The following MBD3 variants were observed in gnomAD, a reference collection of about 807,000 sequenced individuals.
The protein encoded by MBD3 is methyl-CpG-binding domain protein 3.
A neutral mutation model predicts 31.2 loss-of-function variants in MBD3; 13 were observed. That is an observed-to-expected ratio of 0.42 (90% CI 0.27 to 0.66). The LOEUF is 0.66. Ranked by LOEUF, MBD3 falls within the 30% of genes least tolerant of loss-of-function variation. The pLI, the probability that MBD3 is intolerant of heterozygous loss-of-function variation, is 0.26. For synonymous variants in MBD3, 223 were observed against 187.4 expected, an observed-to-expected ratio of 1.19 and a Z score of -1.55; for missense variants, 440 against 426.5, an observed-to-expected ratio of 1.03 and a Z score of -0.28.
intron 1 of MBD3, among the ~76,000 whole-genome samples, chr19:1,590,159 A>G (rs1599349592): frequency 6.6e-6 from 1 of 151,936 alleles, no homozygotes; most frequent in Non-Finnish European, 1.5e-5. Context: ...TTAGCCGGGC[A>G]TGGTGGCAGA....
chr19:1,578,211 T>G lies in MBD3; in HGVS notation c.*6-53A>C, dbSNP rs1054157111. ...AGCGACTCCACGGGACGGGGACGCT[T>G]GGGCTCTTCTAGGGAGATGGGAAGC... On this transcript the variant is annotated intron_variant, in intron 6 of 6. Coordinates refer to ENST00000434436, the MANE Select transcript of MBD3 (RefSeq NM_001281453.2). The surrounding 1 kb of genome is among the most constrained non-coding windows in gnomAD (Gnocchi z 6.1). The G allele has an allele frequency of 6.2e-6, 9 of 1,455,234 alleles. No individual in the cohort carries two copies. Among genetic ancestry groups the G allele is most frequent in the Non-Finnish European group, 8.5e-6 (9 of 1,064,272 alleles). 90.1% of individuals were successfully genotyped at this position (1,455,234 alleles called of 1,614,324 possible).
Position 1,585,996 on chromosome 19 carries a change from G to A in MBD3, c.111-782C>T, listed in dbSNP as rs1352130710. The stretch of plus-strand genomic sequence containing the variant: ...AGGACATAAGGACACCCACCAATGG[G>A]TTGCCCTGTGTGTCACATGAGGTCA... On this transcript the variant is annotated intron_variant, in intron 1 of 6. Transcript: ENST00000434436. The surrounding 1 kb of genome is among the most constrained non-coding windows in gnomAD (Gnocchi z 4.1). 1 of 152,272 alleles carries A rather than the reference G, an allele frequency of 6.6e-6. No individual in the cohort carries two copies. 9.4% of individuals were successfully genotyped at this position (152,272 alleles called of 1,614,324 possible).
At chr19:1,590,528 G>C (rs962967092) in intron 1 of MBD3, among the ~76,000 whole-genome samples, 1 of 152,112 alleles carries the variant, frequency 6.6e-6, no homozygotes, top group African/African-American at 2.4e-5. Context: ...TGAGCTGAGA[G>C]GGTCGCCTGA....
At position 1,582,705 on chromosome 19, in the gene MBD3, C is replaced by G; in HGVS notation, c.416G>C (p.Trp139Ser). ...KAVDQPRQLF[W>S]EKKLSGLNAF... ...GTTCAGGCCGCTCAGCTTCTTCTCCCAGAAGAGCTGCCCCAGACACATATG... is the reference window on the plus strand; with the variant it reads ...GTTCAGGCCGCTCAGCTTCTTCTCCGAGAAGAGCTGCCCCAGACACATATG... Residue 139 changes from tryptophan to serine, a missense_variant, in exon 4 of 7, where the codon TGG (tryptophan) becomes TCG (serine). This residue lies in a region of MBD3 where 144 missense variants were observed against 196.9 expected (regional missense o/e 0.73). Transcript: ENST00000434436. 1.2e-6 allele frequency: 2 copies of G among 1,613,422 alleles called. No individual in the cohort carries two copies. The highest frequency in any genetic ancestry group is 1.7e-6 in the Non-Finnish European group (2 of 1,179,672).
rs1467567549 is a variant in MBD3 at position 1,592,848 on chromosome 19, G to C, written c.-217C>G. 6.8e-6 allele frequency: 1 copy of C among 146,824 alleles called. No individual in the cohort carries two copies. Among genetic ancestry groups the C allele is most frequent in the Admixed American group, 6.8e-5 (1 of 14,794 alleles). The allele number at this position is 146,824 out of a possible 1,614,324, so 9.1% of individuals were successfully genotyped here. A position where few individuals can be genotyped will look rare whatever the true frequency, so the allele number is the denominator to read the frequency against. On this transcript the variant is annotated 5_prime_UTR_variant, in exon 1 of 7. Transcript: ENST00000434436. ...CGCGCTCGCCAGCCCCCGCTCGGGG[G>C]GCCCGCTCCGCCCACCCGCCCGCGC... is the stretch of plus-strand genomic sequence containing the variant.
intron 3 of MBD3, 151 bp downstream of exon 3, chr19:1,584,389 T>C: frequency 8.3e-7 from 1 of 1,205,090 alleles, no homozygotes; most frequent in South Asian, 1.3e-5. Flanking sequence ...GCTAATTTTT[T>C]ACTTGTTTTT....
Position 1,574,897 on chromosome 19 carries a change from G to C in MBD3, c.*3267C>G, listed in dbSNP as rs1915339375. On this transcript the variant is annotated 3_prime_UTR_variant, in exon 7 of 7. Transcript: ENST00000434436. The stretch of plus-strand genomic sequence containing the variant: ...GCTGTCCCTGTCTGCCTGGGTCTGG[G>C]GGCTGCAGGGACAGCAAGGCACGGG... 7.0e-6 allele frequency: 2 copies of C among 284,258 alleles called. No individual in the cohort carries two copies. Among genetic ancestry groups the C allele is most frequent in the Non-Finnish European group, 7.1e-6 (1 of 140,848 alleles). The allele number at this position is 284,258 out of a possible 1,614,324, so 17.6% of individuals were successfully genotyped here.
Position 1,575,087 on chromosome 19 carries a change from C to G in MBD3, c.*3077G>C. ...CCTCTGTGGCGGCAGCGGTGGGGAG[C>G]TTGGTCTGAGGGGAGGCGGGGGACA... On this transcript the variant is annotated 3_prime_UTR_variant, in exon 7 of 7. Transcript: ENST00000434436. The G allele has an allele frequency of 2.6e-6, 1 of 379,724 alleles. No homozygotes were observed. Among genetic ancestry groups the G allele is most frequent in the Non-Finnish European group, 5.4e-6 (1 of 184,462 alleles). 23.5% of individuals were successfully genotyped at this position (379,724 alleles called of 1,614,324 possible).
At chr19:1,589,409 T>C (rs1396772888) in intron 1 of MBD3, among the ~76,000 whole-genome samples, 1 of 150,570 alleles carries the variant, frequency 6.6e-6, no homozygotes, top group Non-Finnish European at 1.5e-5. Context: ...TCCCAGCACT[T>C]TGGGAGGCCA....
intron 1 of MBD3, 129 bp downstream of exon 1, chr19:1,592,392 AG>A: frequency 9.3e-6 from 2 of 214,514 alleles, no homozygotes; most frequent in Non-Finnish European, 1.8e-5. Context: ...CACGCACGCA[AG>A]ACGCACGCAC....
Position 1,585,312 on chromosome 19 carries a change from G to A in MBD3, c.111-98C>T. 2 of 1,384,840 alleles carry A rather than the reference G, an allele frequency of 1.4e-6. No individual in the cohort carries two copies. Among genetic ancestry groups the A allele is most frequent in the Non-Finnish European group, 2.0e-6 (2 of 1,023,290 alleles). The allele number at this position is 1,384,840 out of a possible 1,614,324, so 85.8% of individuals were successfully genotyped here. On this transcript the variant is annotated intron_variant, in intron 1 of 6. Transcript: ENST00000434436. This position sits in a 1 kb window ranked among gnomAD's most constrained non-coding sequence, Gnocchi z 4.1. ...AAACCCAGTCCCAGCCCCAGCTTCA[G>A]GTCGCGACCCCAGCCCCAGACCCCA... is the stretch of plus-strand genomic sequence containing the variant.
At position 1,574,891 on chromosome 19, in the gene MBD3, G is replaced by A. The variant is rs892130527; in HGVS notation, c.*3273C>T. The A allele has an allele frequency of 3.6e-6, 1 of 277,682 alleles. No homozygotes were observed. Among genetic ancestry groups the A allele is most frequent in the Admixed American group, 4.9e-5 (1 of 20,488 alleles). 17.2% of individuals were successfully genotyped at this position (277,682 alleles called of 1,614,324 possible). A position where few individuals can be genotyped will look rare whatever the true frequency, so the allele number is the denominator to read the frequency against. On this transcript the variant is annotated 3_prime_UTR_variant, in exon 7 of 7. Coordinates refer to ENST00000434436, the MANE Select transcript of MBD3 (RefSeq NM_001281453.2). ...AGAAGGGCTGTCCCTGTCTGCCTGG[G>A]TCTGGGGGCTGCAGGGACAGCAAGG...
Position 1,575,208 on chromosome 19 carries a change from T to C in MBD3, c.*2956A>G. ...AATTTGGGAAGCTGGGGCGGGCGGA[T>C]CACCTGAGGTTAGGAGTTCCAGACC... On this transcript the variant is annotated 3_prime_UTR_variant, in exon 7 of 7. Transcript: ENST00000434436. The C allele has an allele frequency of 2.3e-6, 1 of 433,458 alleles. No individual in the cohort carries two copies. The highest frequency in any genetic ancestry group is 4.7e-6 in the Non-Finnish European group (1 of 212,078). The allele number at this position is 433,458 out of a possible 1,614,324, so 26.9% of individuals were successfully genotyped here.
At chr19:1,579,852 G>C (rs1416435625) in intron 5 of MBD3, among the ~76,000 whole-genome samples, 1 of 152,166 alleles carries the variant, frequency 6.6e-6, no homozygotes, top group Non-Finnish European at 1.5e-5. Context: ...CCGCCTCCCA[G>C]GCTCCAGTGA....
At chr19:1,581,003 G>A (rs567436529) in intron 5 of MBD3, 89 bp downstream of exon 5, 101 of 1,507,772 alleles carry the variant, frequency 6.7e-5, no homozygotes, top group South Asian at 6.7e-4. Context: ...GTGGGGAGAC[G>A]GGAAGCACGC....
chr19:1,574,029 C>G lies in MBD3; in HGVS notation c.*4135G>C, dbSNP rs965153963. 6.6e-6 allele frequency: 1 copy of G among 151,518 alleles called. No individual in the cohort carries two copies. The highest frequency in any genetic ancestry group is 2.1e-4 in the South Asian group (1 of 4,774). 9.4% of individuals were successfully genotyped at this position (151,518 alleles called of 1,614,324 possible). A position where few individuals can be genotyped will look rare whatever the true frequency, so the allele number is the denominator to read the frequency against. ...AAGAAGAAGAAGAAAAAAAAGTACA[C>G]AATTCTGGTGAGGCACGGTGGCTCA... is the stretch of plus-strand genomic sequence containing the variant. On this transcript the variant is annotated 3_prime_UTR_variant, in exon 7 of 7. Transcript: ENST00000434436.
intron 1 of MBD3, among the ~76,000 whole-genome samples, chr19:1,588,490 A>T (rs976384468): frequency 2.0e-5 from 3 of 152,102 alleles, no homozygotes; most frequent in African/African-American, 7.2e-5. Flanking sequence ...TTTAAGATGA[A>T]GGGAAACAAG....
At chr19:1,588,486 A>T (rs754923213) in intron 1 of MBD3, among the ~76,000 whole-genome samples, 7 of 152,068 alleles carry the variant, frequency 4.6e-5, no homozygotes, top group Non-Finnish European at 8.8e-5. Context: ...GCCTTTTAAG[A>T]TGAAGGGAAA....
Position 1,579,181 on chromosome 19 carries a change from C to CAA in MBD3, c.678-645_678-644dup, listed in dbSNP as rs57070800. ...CATGGGCAACAGAGCCAGATTCTGC[C>CAA]AAAAAAAAAAAAAAAAAAAAAAAAA... On this transcript the variant is annotated intron_variant, in intron 5 of 6. Coordinates refer to ENST00000434436, the MANE Select transcript of MBD3 (RefSeq NM_001281453.2). Among the ~76,000 whole-genome samples the CAA allele has an allele frequency of 2.9e-3, 63 of 21,516 alleles. 8 individuals are homozygous for CAA. The highest frequency in any genetic ancestry group is 9.3e-3 in the East Asian group (4 of 432). 14.1% of individuals were successfully genotyped at this position (21,516 alleles called of 152,430 possible).
Sources: gnomAD v4.1 joint callset for allele counts (sites outside exome capture counted in the v4.1 genomes callset) on GRCh38, gnomAD v4.1.1 for gene constraint, gnomAD v4.1.1 regional missense constraint, Gnocchi (gnomAD v3.1) non-coding constraint, MANE v1.5 for transcripts, NCBI Gene and HGNC (gene_info 2026-07-23, HGNC 2026-07-21) for gene names.